TRAK1: variants seen among roughly 807,000 people sequenced by gnomAD.
TRAK1 encodes the protein trafficking kinesin-binding protein 1.
A neutral mutation model predicts 92.1 loss-of-function variants in TRAK1; 33 were observed. The observed-to-expected ratio is 0.36, with a 90% CI of 0.27 to 0.48. The LOEUF (loss-of-function observed/expected upper bound fraction) is 0.48, where lower values mean the gene tolerates loss of function less well. Ranked by LOEUF, TRAK1 falls within the 20% of genes least tolerant of loss-of-function variation. The probability of loss-of-function intolerance (pLI) is 0.99; values close to 1 mark genes in which losing one functional copy is unlikely to be tolerated. For missense variants in TRAK1, 1,123 were observed against 1,257.9 expected, an observed-to-expected ratio of 0.89 and a Z score of 1.62; for synonymous variants, 521 against 517.3, an observed-to-expected ratio of 1.01 and a Z score of -0.10.
chr3:42,124,031 G>A (rs1477707635), intron 1 of TRAK1, among the ~76,000 whole-genome samples: 4 of 151,928 alleles, frequency 2.6e-5, no homozygotes, highest in South Asian at 2.1e-4. Flanking sequence ...CTGGCTACTC[G>A]GGAGGCCAAG....
intron 6 of TRAK1, among the ~76,000 whole-genome samples, chr3:42,190,873 C>T (rs1046804278): frequency 1.5e-4 from 23 of 151,860 alleles, no homozygotes; most frequent in Non-Finnish European, 2.9e-4. Flanking sequence ...GCTCAAGCAG[C>T]CCTCCCATCT....
chr3:42,172,314 ATGCCCAT>A (rs1702669536), intron 2 of TRAK1, among the ~76,000 whole-genome samples: 1 of 151,966 alleles, frequency 6.6e-6, no homozygotes, highest in Admixed American at 6.6e-5. Context: ...TTTCCATCTC[ATGCCCAT>A]CTTGAAAGGG....
rs574049244 is a variant in TRAK1, at chr3:42,015,367, G to T, written c.-519+1250G>T. On this transcript the variant is annotated intron_variant, in intron 1 of 16. Coordinates refer to the TRAK1 transcript ENST00000487159. ...TTTCAGCTTGGCCCCAGCACCAGCC[G>T]TTTCCTGTTTGATGCCCCAGGGACC... 2.0e-5 allele frequency among the ~76,000 whole-genome samples: 3 copies of T among 152,216 alleles called. No homozygotes were observed. In the South Asian group the frequency reaches 6.2e-4, roughly 32 times the overall value.
intron 1 of TRAK1, among the ~76,000 whole-genome samples, chr3:42,117,553 G>C (rs1472376875): frequency 6.6e-6 from 1 of 152,076 alleles, no homozygotes; most frequent in Non-Finnish European, 1.5e-5. Flanking sequence ...CCTGCCAACT[G>C]GGTGAGTGTC....
At chr3:42,053,522 C>A (rs1423631231) in intron 1 of TRAK1, among the ~76,000 whole-genome samples, 2 of 152,082 alleles carry the variant, frequency 1.3e-5, no homozygotes, top group African/African-American at 4.8e-5. Context: ...GTATGGGCTT[C>A]TTTCCTCCTG....
In TRAK1 at chr3:42,225,455, T is replaced by C. The variant is rs2149560033; in HGVS notation, c.*1718T>C. On this transcript the variant is annotated 3_prime_UTR_variant, in exon 16 of 16. Coordinates refer to ENST00000327628, the MANE Select transcript of TRAK1 (RefSeq NM_001042646.3). Reference sequence around the variant, plus strand: ...TTATGTTCTCAGCTCTCCCTGCTGTTGTATGTGTGCATTCACTGCAAGTAA... The same window carrying C: ...TTATGTTCTCAGCTCTCCCTGCTGTCGTATGTGTGCATTCACTGCAAGTAA... The C allele has an allele frequency of 6.6e-6, 1 of 152,346 alleles. No homozygotes were observed. Among genetic ancestry groups the C allele is most frequent in the Non-Finnish European group, 1.5e-5 (1 of 68,030 alleles). 9.4% of individuals were successfully genotyped at this position (152,346 alleles called of 1,614,324 possible).
chr3:42,058,575 C>T (rs1576204097), intron 1 of TRAK1, among the ~76,000 whole-genome samples: 1 of 152,024 alleles, frequency 6.6e-6, no homozygotes, highest in East Asian at 1.9e-4. Context: ...AACACCTGAC[C>T]TTGGACGATC....
At chr3:42,042,982 C>G (rs775203770) in intron 1 of TRAK1, among the ~76,000 whole-genome samples, 3 of 152,060 alleles carry the variant, frequency 2.0e-5, no homozygotes, top group East Asian at 1.9e-4. Flanking sequence ...TTCTTATTAC[C>G]AAAGGACGTT....
At chr3:42,082,544 G>A (rs1704487394), upstream of TRAK1, among the ~76,000 whole-genome samples, 1 of 151,972 alleles carries the variant, frequency 6.6e-6, no homozygotes, top group Non-Finnish European at 1.5e-5. Flanking sequence ...TCAGTGAGCC[G>A]AGATCGCGCC....
chr3:42,106,711 T>C (rs187867063), intron 1 of TRAK1, among the ~76,000 whole-genome samples: 6 of 152,346 alleles, frequency 3.9e-5, no homozygotes, highest in Admixed American at 3.9e-4. Flanking sequence ...TATTGGAAAA[T>C]TGGTTCAAGT....
upstream of TRAK1, among the ~76,000 whole-genome samples, chr3:42,013,187 C>T (rs1413487873): frequency 6.6e-6 from 1 of 152,204 alleles, no homozygotes; most frequent in Non-Finnish European, 1.5e-5. This position sits in a 1 kb window ranked among gnomAD's most constrained non-coding sequence, Gnocchi z 5.1. Flanking sequence ...CAGCCTTCCC[C>T]CCGTCCCCGG....
intron 10 of TRAK1, among the ~76,000 whole-genome samples, chr3:42,196,848 C>T (rs1706729471): frequency 6.6e-6 from 1 of 151,886 alleles, no homozygotes; most frequent in South Asian, 2.1e-4. Context: ...GCGCCTGGCC[C>T]TATGGCACAT....
intron 15 of TRAK1, chr3:42,221,820 G>A (rs1710379739): frequency 6.6e-6 from 1 of 152,172 alleles, no homozygotes. Context: ...TGTAGCAGCT[G>A]TTAAAAGAGA....
intron 1 of TRAK1, among the ~76,000 whole-genome samples, chr3:42,032,846 C>T (rs772304803): frequency 2.6e-5 from 4 of 152,090 alleles, no homozygotes; most frequent in African/African-American, 9.7e-5. Context: ...CTCTTGAGCC[C>T]GAGAGTTCAA....
chr3:42,069,146 T>G, intron 1 of TRAK1, among the ~76,000 whole-genome samples: 1 of 151,846 alleles, frequency 6.6e-6, no homozygotes, highest in Non-Finnish European at 1.5e-5. Context: ...AACAACATAG[T>G]GAGACCCTGA....
At position 42,225,217 on chromosome 3, in the gene TRAK1, G is replaced by A. The variant is rs1458972061; in HGVS notation, c.*1480G>A. 6.6e-6 allele frequency: 1 copy of A among 152,112 alleles called. No individual in the cohort carries two copies. Among genetic ancestry groups the A allele is most frequent in the Non-Finnish European group, 1.5e-5 (1 of 68,028 alleles). 9.4% of individuals were successfully genotyped at this position (152,112 alleles called of 1,614,324 possible). A position where few individuals can be genotyped will look rare whatever the true frequency, so the allele number is the denominator to read the frequency against. On this transcript the variant is annotated 3_prime_UTR_variant, in exon 16 of 16. Coordinates refer to ENST00000327628, the MANE Select transcript of TRAK1 (RefSeq NM_001042646.3). ...GCTGCACTGTACACCATGGTGTCCT[G>A]TGACACCGTGTTCCAGACATTTATG...
At chr3:42,058,936 C>T (rs965366365) in intron 1 of TRAK1, among the ~76,000 whole-genome samples, 2 of 152,130 alleles carry the variant, frequency 1.3e-5, no homozygotes, top group Admixed American at 6.6e-5. Flanking sequence ...TTACTCTTTA[C>T]CATCTGCTCT....
intron 5 of TRAK1, 43 bp from the exon 6 acceptor site, chr3:42,188,973 G>A: frequency 7.0e-7 from 1 of 1,438,194 alleles, no homozygotes; most frequent in Non-Finnish European, 9.8e-7. Flanking sequence ...GGTGGTGGGA[G>A]GAAATGCGTC....
chr3:42,110,094 GTATATA>G (rs375315730), intron 1 of TRAK1, among the ~76,000 whole-genome samples: 1,591 of 83,200 alleles, frequency 0.019, 69 homozygotes, highest in South Asian at 0.071. Context: ...AGAACTTAAA[GTATATA>G]TATATATATA....
Sources: gnomAD v4.1 joint callset for allele counts (sites outside exome capture counted in the v4.1 genomes callset) on GRCh38, gnomAD v4.1.1 for gene constraint, Gnocchi (gnomAD v3.1) non-coding constraint, MANE v1.5 for transcripts, NCBI Gene and HGNC (gene_info 2026-07-23, HGNC 2026-07-21) for gene names.